The following ROBO1 variants were observed in gnomAD, a reference collection of about 807,000 sequenced individuals.
ROBO1 encodes roundabout guidance receptor 1.
In ROBO1, 149 loss-of-function variants were observed where a neutral mutation model predicts 195.9. The observed-to-expected ratio is 0.76, with a 90% CI of 0.67 to 0.87. The LOEUF is 0.87. ROBO1 is among the 40% of genes least tolerant of loss of function. ROBO1 has a pLI of 0.00. For synonymous variants in ROBO1, 816 were observed against 733.2 expected, an observed-to-expected ratio of 1.11 and a Z score of -1.82; for missense variants, 1,933 against 2,068.3, an observed-to-expected ratio of 0.93 and a Z score of 1.27.
chr3:78,725,008 G>A (rs1159197794), intron 5 of ROBO1, among the ~76,000 whole-genome samples: 1 of 152,166 alleles, frequency 6.6e-6, no homozygotes, highest in Non-Finnish European at 1.5e-5. Context: ...AACTGCTGGA[G>A]CACTATTCAA....
chr3:79,077,814 T>C (rs543210748), intron 3 of ROBO1, among the ~76,000 whole-genome samples: 1 of 152,004 alleles, frequency 6.6e-6, no homozygotes, highest in East Asian at 1.9e-4. Flanking sequence ...CCAAATCTTT[T>C]TTCCATAGTC....
intron 1 of ROBO1, among the ~76,000 whole-genome samples, chr3:79,666,929 A>G (rs997249228): frequency 6.6e-6 from 1 of 151,912 alleles, no homozygotes; most frequent in Non-Finnish European, 1.5e-5. Context: ...ACTCTCAAAA[A>G]TATCTGTTCT....
chr3:78,808,769 G>A (rs1250840716), intron 4 of ROBO1, among the ~76,000 whole-genome samples: 1 of 152,070 alleles, frequency 6.6e-6, no homozygotes, highest in Non-Finnish European at 1.5e-5. Flanking sequence ...TATAATAAAT[G>A]GTGTTGGGAA....
intron 3 of ROBO1, among the ~76,000 whole-genome samples, chr3:79,102,527 C>T (rs1200802325): frequency 1.3e-5 from 2 of 151,756 alleles, no homozygotes; most frequent in African/African-American, 2.4e-5. Context: ...TCCAAAACTT[C>T]CTGTTTGCCA....
intron 4 of ROBO1, among the ~76,000 whole-genome samples, chr3:78,773,103 AT>A (rs1244517386): frequency 6.6e-6 from 1 of 152,124 alleles, no homozygotes; most frequent in African/African-American, 2.4e-5. Context: ...AAAAATTATT[AT>A]TGTATGCTGT....
chr3:79,479,252 T>G (rs13320767), intron 2 of ROBO1, among the ~76,000 whole-genome samples: 101,502 of 151,998 alleles, frequency 0.67, 35,383 homozygotes, highest in African/African-American at 0.89. Flanking sequence ...ACGGATGGGG[T>G]GATGGGGGAA....
rs529290970 is a variant in ROBO1 at position 79,575,211 on chromosome 3, AT to A, written c.88+14612del. ...ATATATATAAATATATATATAACAG[AT>A]ATATATATATAACAAATATATATAA... On this transcript the variant is annotated intron_variant, in intron 2 of 30. Coordinates refer to ENST00000464233, the MANE Select transcript of ROBO1 (RefSeq NM_002941.4). Among the ~76,000 whole-genome samples, 873 of 124,800 alleles carry A rather than the reference AT, an allele frequency of 7.0e-3. 28 individuals are homozygous for A. The highest frequency in any genetic ancestry group is 0.022 in the African/African-American group (710 of 31,664). The allele number at this position is 124,800 out of a possible 152,430, so 81.9% of individuals were successfully genotyped here.
intron 3 of ROBO1, among the ~76,000 whole-genome samples, chr3:79,000,333 T>G (rs529697231): frequency 1.3e-5 from 2 of 152,282 alleles, no homozygotes; most frequent in Non-Finnish European, 2.9e-5. Flanking sequence ...CTTTGTCAGA[T>G]GGATAGATTG....
chr3:78,834,475 A>G (rs1484574147), intron 4 of ROBO1, among the ~76,000 whole-genome samples: 1 of 150,214 alleles, frequency 6.7e-6, no homozygotes, highest in Non-Finnish European at 1.5e-5. Context: ...AAAAGACAGC[A>G]ATAAAGTGAG....
At chr3:79,172,558 T>C (rs2081186300) in intron 2 of ROBO1, among the ~76,000 whole-genome samples, 1 of 152,208 alleles carries the variant, frequency 6.6e-6, no homozygotes, top group South Asian at 2.1e-4. Flanking sequence ...CTTTGTTAAT[T>C]TGGAACAATC....
At chr3:78,989,834 T>C (rs1576522168) in intron 3 of ROBO1, among the ~76,000 whole-genome samples, 1 of 152,086 alleles carries the variant, frequency 6.6e-6, no homozygotes, top group Non-Finnish European at 1.5e-5. Context: ...GATACTTCCA[T>C]TGGACAGGAA....
intron 2 of ROBO1, among the ~76,000 whole-genome samples, chr3:79,427,426 A>G (rs1420460665): frequency 6.6e-6 from 1 of 152,206 alleles, no homozygotes; most frequent in Non-Finnish European, 1.5e-5. Context: ...AAGAGGCAGG[A>G]GAACGTTGTG....
intron 8 of ROBO1, among the ~76,000 whole-genome samples, chr3:78,711,415 CTTT>C (rs2081729149): frequency 3.4e-5 from 3 of 87,802 alleles, no homozygotes; most frequent in African/African-American, 5.2e-5. Flanking sequence ...TTCTTTCTTT[CTTT>C]CTTTCTTTCT....
At chr3:79,019,400 C>T in intron 3 of ROBO1, 1 of 986,062 alleles carries the variant, frequency 1.0e-6, no homozygotes, top group South Asian at 4.7e-5. Flanking sequence ...ACCCCAGCTC[C>T]TCCCGGATCA....
At chr3:78,778,846 A>G (rs1227908577) in intron 4 of ROBO1, among the ~76,000 whole-genome samples, 4 of 152,206 alleles carry the variant, frequency 2.6e-5, no homozygotes, top group African/African-American at 7.2e-5. Context: ...GCATCATGCT[A>G]TCTAACTTCA....
intron 2 of ROBO1, among the ~76,000 whole-genome samples, chr3:79,150,882 G>A (rs550072090): frequency 6.6e-6 from 1 of 151,804 alleles, no homozygotes; most frequent in East Asian, 2.0e-4. Context: ...CAAAAGTTTA[G>A]GAGTCATCCT....
chr3:79,012,774 T>C (rs1364701207), intron 3 of ROBO1, among the ~76,000 whole-genome samples: 1 of 152,086 alleles, frequency 6.6e-6, no homozygotes, highest in Non-Finnish European at 1.5e-5. Context: ...AGAAATAGCC[T>C]TTTGGATGGT....
At position 79,767,956 on chromosome 3, in the gene ROBO1, T is replaced by C. The variant is rs1007944415; in HGVS notation, c.-255A>G. On this transcript the variant is annotated 5_prime_UTR_variant, in exon 1 of 31. Coordinates refer to ENST00000464233, the MANE Select transcript of ROBO1 (RefSeq NM_002941.4). The stretch of plus-strand genomic sequence containing the variant: ...CTGGAAAAATTCAATCCTTCTTCAG[T>C]AGAGAATTCTTTCAAACCCGTTATC... 6.6e-6 allele frequency: 1 copy of C among 152,210 alleles called. No individual in the cohort carries two copies. Among genetic ancestry groups the C allele is most frequent in the Non-Finnish European group, 1.5e-5 (1 of 68,046 alleles). 9.4% of individuals were successfully genotyped at this position (152,210 alleles called of 1,614,324 possible). A position where few individuals can be genotyped will look rare whatever the true frequency, so the allele number is the denominator to read the frequency against.
intron 4 of ROBO1, among the ~76,000 whole-genome samples, chr3:78,878,267 C>T (rs1271802010): frequency 1.3e-5 from 2 of 151,950 alleles, no homozygotes; most frequent in Non-Finnish European, 2.9e-5. Flanking sequence ...TTGCAAGATA[C>T]TAAAAAGCTG....
Sources: gnomAD v4.1 joint callset for allele counts (sites outside exome capture counted in the v4.1 genomes callset) on GRCh38, gnomAD v4.1.1 for gene constraint, MANE v1.5 for transcripts, NCBI Gene and HGNC (gene_info 2026-07-23, HGNC 2026-07-21) for gene names.